The following ZFHX3 variants were observed in gnomAD, a reference collection of about 807,000 sequenced individuals.
ZFHX3 encodes the protein zinc finger homeobox 3, also known as zinc finger homeobox protein 3.
In ZFHX3, 42 loss-of-function variants were observed where a neutral mutation model predicts 279.1. The ratio of observed to expected loss-of-function variants is 0.15; its 90% CI spans 0.12 to 0.19. The LOEUF (loss-of-function observed/expected upper bound fraction) is 0.19. Among genes scored for constraint, ZFHX3 ranks in the 10% least tolerant of loss-of-function variants. The pLI is 1.00. For missense variants in ZFHX3, 4,981 were observed against 4,754.0 expected, an observed-to-expected ratio of 1.05 and a Z score of -1.40; for synonymous variants, 2,293 against 1,957.8, an observed-to-expected ratio of 1.17 and a Z score of -4.52.
chr16:73,495,043 A>G (rs939296099), intron 2 of ZFHX3, among the ~76,000 whole-genome samples: 1 of 152,104 alleles, frequency 6.6e-6, no homozygotes, highest in Non-Finnish European at 1.5e-5. Context: ...ACAGCATAAC[A>G]GGGAATTTAT....
intron 1 of ZFHX3, among the ~76,000 whole-genome samples, chr16:72,967,685 G>A (rs1287825278): frequency 6.6e-6 from 1 of 151,702 alleles, no homozygotes; most frequent in African/African-American, 2.4e-5. Context: ...GGGAGGCCGA[G>A]GCGGGCAGAT....
chr16:72,970,158 C>T (rs1412256515), intron 1 of ZFHX3, among the ~76,000 whole-genome samples: 1 of 151,526 alleles, frequency 6.6e-6, no homozygotes, highest in Non-Finnish European at 1.5e-5. Flanking sequence ...GTCGTGACAG[C>T]GGAGGCAGGT....
intron 3 of ZFHX3, among the ~76,000 whole-genome samples, chr16:72,920,217 G>A (rs2039549371): frequency 6.6e-6 from 1 of 152,082 alleles, no homozygotes; most frequent in Non-Finnish European, 1.5e-5. Flanking sequence ...ATGTTGTGAA[G>A]AAGAGCATCT....
chr16:73,132,357 T>G (rs8049794), intron 6 of ZFHX3, among the ~76,000 whole-genome samples: 5,531 of 152,218 alleles, frequency 0.036, 331 homozygotes, highest in African/African-American at 0.12. Flanking sequence ...AACTTGTGCC[T>G]CCCTGGAGAA....
intron 2 of ZFHX3, among the ~76,000 whole-genome samples, chr16:73,532,755 T>G (rs1185548412): frequency 6.6e-6 from 1 of 152,212 alleles, no homozygotes; most frequent in Non-Finnish European, 1.5e-5. Context: ...TGAATTGTTA[T>G]AATCTTCACA....
At chr16:72,792,396 T>C (rs533695219) in intron 9 of ZFHX3, among the ~76,000 whole-genome samples, 52 of 152,346 alleles carry the variant, frequency 3.4e-4, no homozygotes, top group African/African-American at 1.1e-3. Context: ...ACAGCCACTA[T>C]TGTTCTGGCT....
chr16:73,728,816 C>G (rs55873070), intron 1 of ZFHX3, among the ~76,000 whole-genome samples: 1 of 34,490 alleles, frequency 2.9e-5, no homozygotes, highest in Admixed American at 4.2e-4. Context: ...ACCCCCTACA[C>G]ACACACACAC....
chr16:73,545,762 G>C (rs1429559490), intron 2 of ZFHX3, among the ~76,000 whole-genome samples: 2 of 151,036 alleles, frequency 1.3e-5, no homozygotes, highest in East Asian at 3.9e-4. Flanking sequence ...AGGAAACAGA[G>C]GCAGAAATTG....
At chr16:73,152,394 C>T (rs1182138921) in intron 5 of ZFHX3, among the ~76,000 whole-genome samples, 1 of 151,920 alleles carries the variant, frequency 6.6e-6, no homozygotes, top group Non-Finnish European at 1.5e-5. Context: ...CATATTAAGT[C>T]CAGATTAATG....
intron 1 of ZFHX3, among the ~76,000 whole-genome samples, chr16:73,016,938 T>A (rs1299469201): frequency 6.6e-6 from 1 of 150,812 alleles, no homozygotes; most frequent in East Asian, 1.9e-4. Context: ...AAAAAAAGAC[T>A]AAGGGGGCTG....
intron 2 of ZFHX3, among the ~76,000 whole-genome samples, chr16:73,571,602 A>C (rs1264903153): frequency 6.6e-6 from 1 of 151,992 alleles, no homozygotes; most frequent in Non-Finnish European, 1.5e-5. Flanking sequence ...TATACAGACC[A>C]ACACACATAA....
At chr16:73,168,636 C>A (rs1967449549) in intron 5 of ZFHX3, among the ~76,000 whole-genome samples, 1 of 152,128 alleles carries the variant, frequency 6.6e-6, no homozygotes, top group African/African-American at 2.4e-5. Flanking sequence ...CTCTCCAAAC[C>A]CACATTGTCC....
At chr16:73,444,090 A>G (rs982571482) in intron 3 of ZFHX3, among the ~76,000 whole-genome samples, 29 of 152,204 alleles carry the variant, frequency 1.9e-4, no homozygotes, top group African/African-American at 7.0e-4. Flanking sequence ...AATAAATATT[A>G]CACATTCTCC....
At chr16:73,304,691 G>A (rs1029867694) in intron 4 of ZFHX3, among the ~76,000 whole-genome samples, 1 of 152,114 alleles carries the variant, frequency 6.6e-6, no homozygotes, top group African/African-American at 2.4e-5. Context: ...ACAGACTCAA[G>A]CCCTCCTTTG....
At chr16:73,603,969 G>A (rs1597022920) in intron 2 of ZFHX3, among the ~76,000 whole-genome samples, 2 of 151,802 alleles carry the variant, frequency 1.3e-5, no homozygotes, top group East Asian at 1.9e-4. Flanking sequence ...AGTAGAGATA[G>A]TGTTTCTCCA....
At chr16:73,269,005 C>G (rs2014065896) in intron 4 of ZFHX3, among the ~76,000 whole-genome samples, 1 of 152,204 alleles carries the variant, frequency 6.6e-6, no homozygotes, top group Non-Finnish European at 1.5e-5. Flanking sequence ...GAATAAAGAC[C>G]TGGGCTGCCT....
intron 1 of ZFHX3, among the ~76,000 whole-genome samples, chr16:73,741,414 C>T (rs948822646): frequency 3.9e-5 from 6 of 152,146 alleles, no homozygotes; most frequent in Non-Finnish European, 8.8e-5. Flanking sequence ...TCTCCATGCT[C>T]CAGAAGCAGG....
At chr16:73,591,368 AC>A (rs1372796434) in intron 2 of ZFHX3, among the ~76,000 whole-genome samples, 11 of 149,524 alleles carry the variant, frequency 7.4e-5, no homozygotes, top group African/African-American at 2.5e-4. Context: ...CAAAAAACAA[AC>A]AAACAAACAA....
At chr16:73,350,590 A>T (rs2016221383) in intron 3 of ZFHX3, among the ~76,000 whole-genome samples, 1 of 152,216 alleles carries the variant, frequency 6.6e-6, no homozygotes, top group Non-Finnish European at 1.5e-5. Context: ...TCAGGTAGCG[A>T]AGACTCAACT....
Sources: allele counts gnomAD v4.1 joint callset (sites outside exome capture counted in the v4.1 genomes callset), GRCh38; gene constraint gnomAD v4.1.1; transcripts MANE v1.5; gene names NCBI Gene and HGNC (gene_info 2026-07-23, HGNC 2026-07-21).